LTBP1: variants seen among roughly 807,000 people sequenced by gnomAD.
The protein encoded by LTBP1 is latent transforming growth factor beta binding protein 1.
A neutral mutation model predicts 207.6 loss-of-function variants in LTBP1; 129 were observed. That is an observed-to-expected ratio of 0.62 (90% confidence interval 0.54 to 0.72). The LOEUF (loss-of-function observed/expected upper bound fraction) is 0.72, where lower values mean the gene tolerates loss of function less well. Among genes scored for constraint, LTBP1 ranks in the 30% least tolerant of loss-of-function variants. The probability of loss-of-function intolerance (pLI) is 0.00; values close to 1 mark genes in which losing one functional copy is unlikely to be tolerated. For synonymous variants in LTBP1, 963 were observed against 833.7 expected (o/e 1.16, Z -2.67); for missense variants, 2,281 against 2,217.2 (o/e 1.03, Z -0.58).
At chr2:33,244,037 G>A (rs1292828976) in intron 10 of LTBP1, among the ~76,000 whole-genome samples, 2 of 152,164 alleles carry the variant, frequency 1.3e-5, no homozygotes, top group Non-Finnish European at 2.9e-5. Flanking sequence ...TAAGCACACC[G>A]AGGAAATATG....
At chr2:33,084,803 G>A (rs1023045077) in intron 3 of LTBP1, among the ~76,000 whole-genome samples, 7 of 152,136 alleles carry the variant, frequency 4.6e-5, no homozygotes, top group African/African-American at 1.7e-4. Flanking sequence ...AGCTCGGTCC[G>A]TCCCACAGCT....
At chr2:33,341,055 G>C (rs944278453) in intron 24 of LTBP1, among the ~76,000 whole-genome samples, 1 of 149,244 alleles carries the variant, frequency 6.7e-6, no homozygotes, top group Non-Finnish European at 1.5e-5. Context: ...ACATATATTT[G>C]GATGCTGTTA....
rs189109592 is a variant in LTBP1 at position 33,356,524 on chromosome 2, A to G, written c.4001-4073A>G. On this transcript the variant is annotated intron_variant, in intron 26 of 33. Coordinates refer to ENST00000404816, the MANE Select transcript of LTBP1 (RefSeq NM_206943.4). ...GAAACCCTGTCTCTACTAAAAATAC[A>G]AAAAATTCGCCGGGCATGGTGGCAG... Among the ~76,000 whole-genome samples the G allele has an allele frequency of 6.9e-3, 1,057 of 152,170 alleles. 7 individuals are homozygous for G. The highest frequency in any genetic ancestry group is 0.011 in the Non-Finnish European group (726 of 67,996).
intron 32 of LTBP1, among the ~76,000 whole-genome samples, chr2:33,396,458 G>A (rs1036452383): frequency 2.6e-5 from 4 of 152,172 alleles, no homozygotes; most frequent in African/African-American, 9.6e-5. Context: ...CTGGCCTCAG[G>A]CGATCTGCCC....
At chr2:32,976,642 C>T (rs1681834636) in intron 2 of LTBP1, among the ~76,000 whole-genome samples, 1 of 152,196 alleles carries the variant, frequency 6.6e-6, no homozygotes. Flanking sequence ...GAGGAGGCCC[C>T]TCCAATCACT....
At chr2:32,995,923 C>G (rs926875401) in intron 2 of LTBP1, among the ~76,000 whole-genome samples, 1 of 152,188 alleles carries the variant, frequency 6.6e-6, no homozygotes, top group Non-Finnish European at 1.5e-5. Flanking sequence ...ATGAGGAAAT[C>G]GAGGTCTATT....
chr2:33,241,776 A>G (rs1209368916), intron 9 of LTBP1, among the ~76,000 whole-genome samples: 2 of 152,196 alleles, frequency 1.3e-5, no homozygotes, highest in African/African-American at 2.4e-5. Flanking sequence ...GGGACATATA[A>G]TAGGGCTTCA....
intron 31 of LTBP1, among the ~76,000 whole-genome samples, chr2:33,382,882 A>C (rs913661094): frequency 1.3e-5 from 2 of 152,210 alleles, no homozygotes; most frequent in African/African-American, 4.8e-5. Context: ...GACTGTAAGC[A>C]GTAATGTATT....
At chr2:32,971,493 T>C (rs537471397) in intron 2 of LTBP1, among the ~76,000 whole-genome samples, 4 of 152,308 alleles carry the variant, frequency 2.6e-5, no homozygotes, top group Middle Eastern at 6.8e-3. Context: ...AGGGTTTTTT[T>C]CAAACATGAA....
At chr2:33,209,017 G>A (rs978331360) in intron 7 of LTBP1, among the ~76,000 whole-genome samples, 7 of 151,872 alleles carry the variant, frequency 4.6e-5, no homozygotes, top group African/African-American at 1.7e-4. Flanking sequence ...ACAGGCGCCC[G>A]CCACCAAGCT....
intron 9 of LTBP1, among the ~76,000 whole-genome samples, chr2:33,232,719 T>G (rs1162449570): frequency 6.6e-6 from 1 of 152,210 alleles, no homozygotes; most frequent in Non-Finnish European, 1.5e-5. Flanking sequence ...CAAATTTGAC[T>G]GCTATCTTGT....
intron 3 of LTBP1, among the ~76,000 whole-genome samples, chr2:33,094,890 T>A (rs1013898694): frequency 6.6e-6 from 1 of 152,180 alleles, no homozygotes; most frequent in Non-Finnish European, 1.5e-5. Context: ...AGAATATATT[T>A]CTCCTCACTT....
chr2:33,249,398 C>T (rs78112570), intron 10 of LTBP1, among the ~76,000 whole-genome samples: 2,216 of 150,364 alleles, frequency 0.015, 22 homozygotes, highest in East Asian at 0.026. Flanking sequence ...TGGGTTAATA[C>T]ATTAGAGTAG....
chr2:33,180,574 C>G (rs10201015), intron 5 of LTBP1, among the ~76,000 whole-genome samples: 11,810 of 151,714 alleles, frequency 0.078, 998 homozygotes, highest in African/African-American at 0.21. Context: ...GTCTCAGCCT[C>G]CCAAGTAGCT....
intron 22 of LTBP1, among the ~76,000 whole-genome samples, chr2:33,305,281 G>A (rs140764728): frequency 6.6e-4 from 101 of 152,270 alleles, no homozygotes; most frequent in African/African-American, 2.3e-3. Flanking sequence ...CCAAGATCAC[G>A]CCATTGCACT....
At chr2:33,235,674 CTGGATGAAGAAAATG>C (rs1188327141) in intron 9 of LTBP1, among the ~76,000 whole-genome samples, 2 of 152,152 alleles carry the variant, frequency 1.3e-5, no homozygotes, top group Non-Finnish European at 2.9e-5. Flanking sequence ...CAATGATAGA[CTGGATGAAGAAAATG>C]TGGCACATAT....
intron 25 of LTBP1, 88 bp from the exon 26 acceptor site, chr2:33,347,279 G>GA: frequency 6.7e-7 from 1 of 1,492,942 alleles, no homozygotes; most frequent in Admixed American, 1.8e-5. Context: ...TTTTCAGCAA[G>GA]ACACTATTAG....
At chr2:33,209,459 C>T (rs981443794) in intron 7 of LTBP1, among the ~76,000 whole-genome samples, 3 of 152,088 alleles carry the variant, frequency 2.0e-5, no homozygotes, top group African/African-American at 4.8e-5. Context: ...AATCATCTGC[C>T]GCTTGAACGT....
intron 31 of LTBP1, among the ~76,000 whole-genome samples, chr2:33,386,776 G>A (rs1038119349): frequency 6.6e-6 from 1 of 151,384 alleles, no homozygotes; most frequent in African/African-American, 2.4e-5. Flanking sequence ...AGTGAACCAC[G>A]ATACCACAAT....
Sources: gnomAD v4.1 joint callset for allele counts (sites outside exome capture counted in the v4.1 genomes callset) on GRCh38, gnomAD v4.1.1 for gene constraint, MANE v1.5 for transcripts, NCBI Gene and HGNC (gene_info 2026-07-23, HGNC 2026-07-21) for gene names.